The following KCNH5 variants were observed in gnomAD, a reference collection of about 807,000 sequenced individuals.
The protein encoded by KCNH5 is potassium voltage-gated channel subfamily H member 5.
In KCNH5, 46 loss-of-function variants were observed where a neutral mutation model predicts 96.1. That is an observed-to-expected ratio of 0.48 (90% CI 0.38 to 0.61). The LOEUF is 0.61. Ranked by LOEUF, KCNH5 falls within the 20% of genes least tolerant of loss-of-function variation. The pLI, the probability that KCNH5 is intolerant of heterozygous loss-of-function variation, is 0.00. For missense variants in KCNH5, 907 were observed against 1,225.8 expected (o/e 0.74, Z 3.88); for synonymous variants, 439 against 449.8 (o/e 0.98, Z 0.30).
intron 10 of KCNH5, among the ~76,000 whole-genome samples, chr14:62,736,054 A>G (rs1885149026): frequency 6.6e-6 from 1 of 152,194 alleles, no homozygotes. Flanking sequence ...TTAAGGCTCT[A>G]GATTTGTGAG....
intron 7 of KCNH5, among the ~76,000 whole-genome samples, chr14:62,904,346 T>C (rs1888986403): frequency 6.6e-6 from 1 of 152,236 alleles, no homozygotes; most frequent in South Asian, 2.1e-4. Flanking sequence ...CTCACTTGTA[T>C]GCTACTATGA....
intron 7 of KCNH5, among the ~76,000 whole-genome samples, chr14:62,908,570 A>T (rs1338888812): frequency 6.6e-6 from 1 of 152,130 alleles, no homozygotes; most frequent in African/African-American, 2.4e-5. Context: ...AGGAGACAGC[A>T]CCTAAACAAA....
intron 8 of KCNH5, among the ~76,000 whole-genome samples, chr14:62,848,223 A>AGTC: frequency 6.6e-6 from 1 of 152,166 alleles, no homozygotes; most frequent in Non-Finnish European, 1.5e-5. Flanking sequence ...GTTTCATTTA[A>AGTC]TGTGGACTTC....
At chr14:63,003,532 T>C (rs1440162575) in intron 3 of KCNH5, among the ~76,000 whole-genome samples, 5,144 of 113,460 alleles carry the variant, frequency 0.045, 210 homozygotes, top group East Asian at 0.14. Context: ...ATTTTATATA[T>C]ATTATATATT....
intron 7 of KCNH5, among the ~76,000 whole-genome samples, chr14:62,946,438 C>G (rs1259405888): frequency 6.6e-6 from 1 of 151,976 alleles, no homozygotes; most frequent in African/African-American, 2.4e-5. Flanking sequence ...GGCACTTATC[C>G]CAGAGAACTA....
At chr14:62,814,404 A>G (rs185161021) in intron 8 of KCNH5, among the ~76,000 whole-genome samples, 2 of 152,280 alleles carry the variant, frequency 1.3e-5, no homozygotes, top group South Asian at 4.1e-4. Context: ...ATATTTGACT[A>G]AATAACAGTG....
chr14:62,934,231 ATTC>A (rs1889635673), intron 7 of KCNH5, among the ~76,000 whole-genome samples: 1 of 151,774 alleles, frequency 6.6e-6, no homozygotes, highest in African/African-American at 2.4e-5. Flanking sequence ...GGTTCAAGCA[ATTC>A]TTCTGCGTCA....
chr14:62,959,226 C>T (rs1330183766), intron 6 of KCNH5, among the ~76,000 whole-genome samples: 1 of 152,128 alleles, frequency 6.6e-6, no homozygotes, highest in Non-Finnish European at 1.5e-5. Context: ...TAACTTATCA[C>T]CACCCTTGTT....
At chr14:63,029,143 G>T (rs749211784) in intron 1 of KCNH5, among the ~76,000 whole-genome samples, 133 of 152,078 alleles carry the variant, frequency 8.7e-4, no homozygotes, top group Non-Finnish European at 2.4e-4. Flanking sequence ...ATTTCTGAAC[G>T]TTTTATAAAA....
chr14:63,011,282 A>G (rs902287029), intron 2 of KCNH5, among the ~76,000 whole-genome samples: 12 of 151,934 alleles, frequency 7.9e-5, no homozygotes, highest in Non-Finnish European at 1.8e-4. Flanking sequence ...CAGGAGTTCG[A>G]GACCAGCCTG....
At chr14:62,858,205 T>C (rs1375668907) in intron 7 of KCNH5, among the ~76,000 whole-genome samples, 1 of 152,220 alleles carries the variant, frequency 6.6e-6, no homozygotes, top group African/African-American at 2.4e-5. Context: ...GTAGCTGGTA[T>C]TGATGACTAC....
At chr14:62,745,701 A>T (rs1885361926) in intron 10 of KCNH5, among the ~76,000 whole-genome samples, 1 of 152,102 alleles carries the variant, frequency 6.6e-6, no homozygotes, top group Non-Finnish European at 1.5e-5. Flanking sequence ...TTTTGAAGCC[A>T]TCCTGCCTGG....
intron 7 of KCNH5, among the ~76,000 whole-genome samples, chr14:62,856,945 A>C (rs566241847): frequency 3.2e-4 from 49 of 152,156 alleles, no homozygotes; most frequent in Non-Finnish European, 5.7e-4. Flanking sequence ...GGAAATTCCA[A>C]GTGATACAGT....
At chr14:62,708,502 G>T (rs767318875) in intron 10 of KCNH5, 47 bp from the exon 11 acceptor site, 5 of 1,224,878 alleles carry the variant, frequency 4.1e-6, no homozygotes, top group South Asian at 2.8e-5. Context: ...AAAGCAGATG[G>T]ATTAACAGTT....
At chr14:62,953,688 G>A (rs561176268) in intron 6 of KCNH5, among the ~76,000 whole-genome samples, 2 of 152,242 alleles carry the variant, frequency 1.3e-5, no homozygotes, top group African/African-American at 4.8e-5. Context: ...CACTCAAAGT[G>A]CCTAAATGCT....
chr14:62,858,962 G>A (rs1025351852), intron 7 of KCNH5, among the ~76,000 whole-genome samples: 23 of 152,154 alleles, frequency 1.5e-4, no homozygotes, highest in African/African-American at 4.1e-4. Flanking sequence ...CCATGAACAT[G>A]AGCCCACTGC....
chr14:62,717,347 G>T (rs929586259), intron 10 of KCNH5, among the ~76,000 whole-genome samples: 1 of 152,204 alleles, frequency 6.6e-6, no homozygotes, highest in Middle Eastern at 3.4e-3. Flanking sequence ...TGGAAAAAGA[G>T]AACAAAGTTG....
chr14:62,721,499 GCTCTCTCTCT>G (rs10567188), intron 10 of KCNH5, among the ~76,000 whole-genome samples: 10 of 149,368 alleles, frequency 6.7e-5, no homozygotes, highest in African/African-American at 2.0e-4. Flanking sequence ...TCACTCACTC[GCTCTCTCTCT>G]CTCTCTCTCT....
rs1270892713 is a variant in KCNH5, at chr14:62,707,434, T to TATATGTATATACTGTATATACACAC, written c.*49_*73dup. Reference sequence around the variant, plus strand: ...CATCTTGAAAGCAAGTGAAAATATATATATGTATATACTGTATATACACAC... The same window carrying TATATGTATATACTGTATATACACAC: ...CATCTTGAAAGCAAGTGAAAATATATATATGTATATACTGTATATACACACATATGTATATACTGTATATACACAC... On this transcript the variant is annotated 3_prime_UTR_variant, in exon 11 of 11. Coordinates refer to ENST00000322893, the MANE Select transcript of KCNH5 (RefSeq NM_139318.5). The TATATGTATATACTGTATATACACAC allele has an allele frequency of 3.7e-5, 26 of 695,396 alleles. No individual in the cohort carries two copies. The highest frequency in any genetic ancestry group is 1.7e-4 in the Admixed American group (4 of 23,506). 43.1% of individuals were successfully genotyped at this position (695,396 alleles called of 1,614,324 possible). A position where few individuals can be genotyped will look rare whatever the true frequency, so the allele number is the denominator to read the frequency against.
Sources: allele counts gnomAD v4.1 joint callset (sites outside exome capture counted in the v4.1 genomes callset), GRCh38; gene constraint gnomAD v4.1.1; transcripts MANE v1.5; gene names NCBI Gene and HGNC (gene_info 2026-07-23, HGNC 2026-07-21).